DYNC2H1: variants seen among roughly 807,000 people sequenced by gnomAD.
The protein encoded by DYNC2H1 is dynein cytoplasmic 2 heavy chain 1.
DYNC2H1 carries 410 observed loss-of-function variants against 570.0 expected under a neutral mutation model. That is an observed-to-expected ratio of 0.72 (90% CI 0.66 to 0.78). The LOEUF (loss-of-function observed/expected upper bound fraction) is 0.78. Ranked by LOEUF, DYNC2H1 falls within the 30% of genes least tolerant of loss-of-function variation. The pLI is 0.00. For synonymous variants in DYNC2H1, 1,688 were observed against 1,677.6 expected (o/e 1.01, Z -0.15); for missense variants, 4,865 against 5,046.4 (o/e 0.96, Z 1.09).
intron 54 of DYNC2H1, among the ~76,000 whole-genome samples, chr11:103,213,893 A>G (rs1863263266): frequency 6.6e-6 from 1 of 152,128 alleles, no homozygotes; most frequent in Non-Finnish European, 1.5e-5. Context: ...TTAACCATAA[A>G]ATATTTGCCT....
Position 103,243,560 on chromosome 11 carries a change from T to C in DYNC2H1, c.9820-133T>C. 1 of 708,872 alleles carries C rather than the reference T, an allele frequency of 1.4e-6. No homozygotes were observed. The allele number at this position is 708,872 out of a possible 1,614,324, so 43.9% of individuals were successfully genotyped here. On this transcript the variant is annotated intron_variant, in intron 63 of 88. Transcript: ENST00000375735. This position sits in a 1 kb window ranked among gnomAD's most constrained non-coding sequence, Gnocchi z 4.8. ...TATTTTTGTTTCTTTTTCATGGTTG[T>C]ATATTTGTGTTCTCCAAAGCTTGAG...
At position 103,280,405 on chromosome 11, in the gene DYNC2H1, C is replaced by G; in HGVS notation, c.10753C>G (p.Gln3585Glu). 1 of 1,553,322 alleles carries G rather than the reference C, an allele frequency of 6.4e-7. No individual in the cohort carries two copies. The highest frequency in any genetic ancestry group is 8.7e-7 in the Non-Finnish European group (1 of 1,147,358). The change falls in exon 71 of 89, where the codon CAA becomes GAA. Residue 3585 changes from glutamine to glutamate, a missense_variant. Physicochemically the swap from Gln to Glu is conservative, Grantham distance 29. Around this residue, in one of 5 missense-constraint regions of DYNC2H1, gnomAD observed 2,401 missense variants for 2,454.6 expected, o/e 0.98. Transcript: ENST00000375735. The surrounding 1 kb of genome is among the most constrained non-coding windows in gnomAD (Gnocchi z 4.7). ...FVRGMHPELF[Q>E]ENEWDTFTGV... is the part of the protein sequence containing the mutation. ...TCGAGGCATGCATCCTGAACTTTTT[C>G]AAGAAAATGTAAGTCAAATTAAAGG... is the stretch of plus-strand genomic sequence containing the variant.
chr11:103,376,480 T>G (rs892721702), intron 83 of DYNC2H1, among the ~76,000 whole-genome samples: 9 of 152,222 alleles, frequency 5.9e-5, no homozygotes, highest in African/African-American at 2.2e-4. Flanking sequence ...TGTTGTAATT[T>G]CTTTCTTTGT....
chr11:103,127,704 A>G (rs1165913021), intron 12 of DYNC2H1, among the ~76,000 whole-genome samples: 4 of 152,180 alleles, frequency 2.6e-5, no homozygotes, highest in Non-Finnish European at 4.4e-5. Context: ...TTTTCCACCA[A>G]CACAGTTAAG....
intron 83 of DYNC2H1, among the ~76,000 whole-genome samples, chr11:103,366,534 A>T (rs1210500407): frequency 6.6e-6 from 1 of 152,220 alleles, no homozygotes; most frequent in African/African-American, 2.4e-5. Context: ...AAATGTTAAA[A>T]TAGGACTGAA....
rs1862727609 is a variant in DYNC2H1 at position 103,201,743 on chromosome 11, A to C, written c.8197+1589A>C. Among the ~76,000 whole-genome samples the C allele has an allele frequency of 6.6e-6, 1 of 152,068 alleles. No individual in the cohort carries two copies. Among genetic ancestry groups the C allele is most frequent in the Non-Finnish European group, 1.5e-5 (1 of 68,000 alleles). On this transcript the variant is annotated intron_variant, in intron 50 of 88. Coordinates refer to ENST00000375735, the MANE Select transcript of DYNC2H1 (RefSeq NM_001377.3). The surrounding 1 kb of genome is among the most constrained non-coding windows in gnomAD (Gnocchi z 4.8). ...GTCTTCCTGGGGAGGACACTTGCGAATTCCTATATTTCTTCCTTTTTTTTG... is the reference window on the plus strand; with the variant it reads ...GTCTTCCTGGGGAGGACACTTGCGACTTCCTATATTTCTTCCTTTTTTTTG...
chr11:103,164,590 A>G (rs186056240), intron 30 of DYNC2H1, among the ~76,000 whole-genome samples: 124 of 152,304 alleles, frequency 8.1e-4, no homozygotes, highest in Middle Eastern at 3.4e-3. Flanking sequence ...TTAAATATTA[A>G]TCTTTGCTAG....
chr11:103,202,494 T>C (rs1359379679), intron 50 of DYNC2H1, among the ~76,000 whole-genome samples: 1 of 152,072 alleles, frequency 6.6e-6, no homozygotes, highest in African/African-American at 2.4e-5. Context: ...CTAATGTGTA[T>C]AATATATAGA....
At chr11:103,171,217 G>C in intron 34 of DYNC2H1, 149 bp downstream of exon 34, 1 of 688,534 alleles carries the variant, frequency 1.5e-6, no homozygotes, top group Admixed American at 4.0e-5. Flanking sequence ...GCTATAAAAC[G>C]TTTCTGAGGT....
Position 103,268,661 on chromosome 11 carries a change from G to C in DYNC2H1, c.10695+8684G>C, listed in dbSNP as rs1036071790. Among the ~76,000 whole-genome samples the C allele has an allele frequency of 1.3e-5, 2 of 151,884 alleles. No individual in the cohort carries two copies. Among genetic ancestry groups the C allele is most frequent in the African/African-American group, 4.8e-5 (2 of 41,406 alleles). On this transcript the variant is annotated intron_variant, in intron 70 of 88. Coordinates refer to ENST00000375735, the MANE Select transcript of DYNC2H1 (RefSeq NM_001377.3). This position sits in a 1 kb window ranked among gnomAD's most constrained non-coding sequence, Gnocchi z 4.6. ...GGGCTGTGATTTATGAAAATGTTATGGAGTTACAGTTATTTTAAGCTGCCC... is the reference window on the plus strand; with the variant it reads ...GGGCTGTGATTTATGAAAATGTTATCGAGTTACAGTTATTTTAAGCTGCCC...
chr11:103,130,045 G>A (rs1023269201), intron 13 of DYNC2H1, among the ~76,000 whole-genome samples: 2 of 152,128 alleles, frequency 1.3e-5, no homozygotes, highest in East Asian at 1.9e-4. Flanking sequence ...AAACAGGTAC[G>A]AACTTCTAAG....
At chr11:103,448,815 A>G (rs1944506443) in intron 85 of DYNC2H1, among the ~76,000 whole-genome samples, 1 of 152,232 alleles carries the variant, frequency 6.6e-6, no homozygotes, top group African/African-American at 2.4e-5. Context: ...TTTTACTTTG[A>G]AAAACTCTCA....
rs1467857425 is a variant in DYNC2H1 at position 103,245,399 on chromosome 11, T to C, written c.10042+25T>C. On this transcript the variant is annotated intron_variant, in intron 65 of 88. Transcript: ENST00000375735. This position sits in a 1 kb window ranked among gnomAD's most constrained non-coding sequence, Gnocchi z 4.5. ...GGTAAATAATTGACACTTTCCAGAG[T>C]GTAAATATTTTTAAAATTTCCAAAG... The C allele has an allele frequency of 6.5e-7, 1 of 1,538,490 alleles. No homozygotes were observed. The highest frequency in any genetic ancestry group is 8.7e-7 in the Non-Finnish European group (1 of 1,146,732).
At chr11:103,458,990 G>A (rs1944897170) in intron 87 of DYNC2H1, among the ~76,000 whole-genome samples, 1 of 151,448 alleles carries the variant, frequency 6.6e-6, no homozygotes, top group Non-Finnish European at 1.5e-5. Flanking sequence ...GTTCTTTAAT[G>A]CAGTTAACTT....
At chr11:103,381,221 A>G (rs1406337037) in intron 83 of DYNC2H1, among the ~76,000 whole-genome samples, 1 of 152,178 alleles carries the variant, frequency 6.6e-6, no homozygotes, top group African/African-American at 2.4e-5. Flanking sequence ...AAGTAAGAAG[A>G]GTCAAAACAT....
intron 84 of DYNC2H1, among the ~76,000 whole-genome samples, chr11:103,410,941 A>G (rs575238689): frequency 3.8e-4 from 58 of 152,246 alleles, no homozygotes; most frequent in African/African-American, 1.3e-3. Context: ...AAGTATTTTG[A>G]GCTGCATTTG....
intron 84 of DYNC2H1, among the ~76,000 whole-genome samples, chr11:103,414,053 G>A (rs1469130580): frequency 2.7e-5 from 3 of 110,940 alleles, no homozygotes; most frequent in African/African-American, 3.9e-5. Context: ...AGTTAAAGAT[G>A]TGTACATAAG....
chr11:103,323,683 T>A (rs1038983831), intron 81 of DYNC2H1, among the ~76,000 whole-genome samples: 2 of 151,986 alleles, frequency 1.3e-5, no homozygotes, highest in Non-Finnish European at 2.9e-5. Flanking sequence ...AAATATAATA[T>A]CAAATAATTG....
intron 54 of DYNC2H1, 91 bp from the exon 55 acceptor site, chr11:103,215,630 G>A: frequency 7.7e-7 from 1 of 1,305,682 alleles, no homozygotes; most frequent in South Asian, 1.9e-5. Context: ...CACTTAACAT[G>A]TTTGCTTGAT....
Sources: allele counts gnomAD v4.1 joint callset (sites outside exome capture counted in the v4.1 genomes callset), GRCh38; gene constraint gnomAD v4.1.1; regional missense constraint gnomAD v4.1.1; non-coding constraint Gnocchi (gnomAD v3.1); transcripts MANE v1.5; gene names NCBI Gene and HGNC (gene_info 2026-07-23, HGNC 2026-07-21).